The following NETO1 variants were observed in gnomAD, a reference collection of about 807,000 sequenced individuals.
NETO1 encodes the protein neuropilin and tolloid-like protein 1.
NETO1 carries 26 observed loss-of-function variants against 61.3 expected under a neutral mutation model. The ratio of observed to expected loss-of-function variants is 0.42; its 90% CI spans 0.31 to 0.59. The LOEUF is 0.59. Ranked by LOEUF, NETO1 falls within the 20% of genes least tolerant of loss-of-function variation. The pLI is 0.12. For synonymous variants in NETO1, 225 were observed against 225.8 expected, an observed-to-expected ratio of 1.00 and a Z score of 0.03; for missense variants, 531 against 662.8, an observed-to-expected ratio of 0.80 and a Z score of 2.18.
chr18:72,846,949 C>T (rs1029207061), intron 4 of NETO1, among the ~76,000 whole-genome samples: 1 of 152,224 alleles, frequency 6.6e-6, no homozygotes. Flanking sequence ...AAAGGAAGTA[C>T]GCATTCCTTT....
At position 72,745,199 on chromosome 18, in the gene NETO1, C is replaced by T. The variant is rs1414237313; in HGVS notation, c.*2980G>A. 1 of 152,170 alleles carries T rather than the reference C, an allele frequency of 6.6e-6. No individual in the cohort carries two copies. The highest frequency in any genetic ancestry group is 1.5e-5 in the Non-Finnish European group (1 of 68,030). 9.4% of individuals were successfully genotyped at this position (152,170 alleles called of 1,614,324 possible). A position where few individuals can be genotyped will look rare whatever the true frequency, so the allele number is the denominator to read the frequency against. On this transcript the variant is annotated 3_prime_UTR_variant, in exon 11 of 11. Coordinates refer to ENST00000327305, the MANE Select transcript of NETO1 (RefSeq NM_138966.5). Reference sequence around the variant, plus strand: ...CAAATTCAAGTTAATTATGGCAAATCAAACACCACCTATGTCTACTTTGCA... The same window carrying T: ...CAAATTCAAGTTAATTATGGCAAATTAAACACCACCTATGTCTACTTTGCA...
At chr18:72,831,311 G>T (rs374181768) in intron 4 of NETO1, among the ~76,000 whole-genome samples, 67 of 152,268 alleles carry the variant, frequency 4.4e-4, no homozygotes, top group South Asian at 3.1e-3. Context: ...AACAATGAAT[G>T]AAAATGATCT....
chr18:72,817,106 T>C (rs9958522), intron 4 of NETO1, among the ~76,000 whole-genome samples: 136,056 of 152,172 alleles, frequency 0.89, 62,766 homozygotes, highest in East Asian at 1. Flanking sequence ...AGTTTATTCC[T>C]CTTCTCTTGG....
At chr18:72,817,058 T>A (rs2073053408) in intron 4 of NETO1, among the ~76,000 whole-genome samples, 3 of 152,204 alleles carry the variant, frequency 2.0e-5, no homozygotes, top group Admixed American at 1.3e-4. Context: ...ATTCCTCGTC[T>A]CCCTTTATAG....
At chr18:72,835,342 A>G in intron 4 of NETO1, 1 of 1,591,190 alleles carries the variant, frequency 6.3e-7, no homozygotes, top group South Asian at 1.1e-5. Context: ...AGGTAATTAA[A>G]GAAGTTTAAT....
At chr18:72,826,870 G>A (rs1031609525) in intron 4 of NETO1, among the ~76,000 whole-genome samples, 5 of 152,100 alleles carry the variant, frequency 3.3e-5, no homozygotes, top group South Asian at 2.1e-4. Context: ...CTTTTACATC[G>A]TGGGTGAAGC....
intron 8 of NETO1, 129 bp from the exon 9 acceptor site, chr18:72,750,749 G>A (rs979511358): frequency 2.0e-5 from 12 of 602,508 alleles, no homozygotes; most frequent in Admixed American, 3.3e-5. Flanking sequence ...ATTTTTACAG[G>A]CTTATAATAA....
intron 7 of NETO1, among the ~76,000 whole-genome samples, chr18:72,776,448 T>A (rs2071551483): frequency 6.6e-6 from 1 of 152,156 alleles, no homozygotes; most frequent in Non-Finnish European, 1.5e-5. Flanking sequence ...CATGGCATGC[T>A]CTTAGTCCAT....
chr18:72,864,548 AAGCCAAC>A (rs1352028782), intron 3 of NETO1, among the ~76,000 whole-genome samples: 1 of 152,246 alleles, frequency 6.6e-6, no homozygotes, highest in African/African-American at 2.4e-5. Flanking sequence ...TAAATCAATT[AAGCCAAC>A]AGCAAAATAA....
At chr18:72,768,459 C>T (rs1051457257) in intron 7 of NETO1, among the ~76,000 whole-genome samples, 3 of 152,142 alleles carry the variant, frequency 2.0e-5, no homozygotes, top group Non-Finnish European at 4.4e-5. Context: ...AAAAACAACA[C>T]AGAAATACAA....
At chr18:72,784,935 A>G (rs554680754) in intron 6 of NETO1, among the ~76,000 whole-genome samples, 2 of 152,362 alleles carry the variant, frequency 1.3e-5, no homozygotes, top group East Asian at 3.9e-4. Context: ...ATGTATGTCA[A>G]TTAAACCATG....
At chr18:72,806,899 C>A (rs1481336222) in intron 4 of NETO1, among the ~76,000 whole-genome samples, 1 of 152,176 alleles carries the variant, frequency 6.6e-6, no homozygotes, top group African/African-American at 2.4e-5. Context: ...TGGGGACATT[C>A]TTATTTCCAT....
chr18:72,749,138 A>AT lies in NETO1; in HGVS notation c.1542-51_1542-50insA, dbSNP rs201590869. 2.2e-3 allele frequency: 2,392 copies of AT among 1,091,156 alleles called. 30 individuals are homozygous for AT. In the African/African-American group the frequency reaches 0.032, roughly 14 times the overall value. 67.6% of individuals were successfully genotyped at this position (1,091,156 alleles called of 1,614,324 possible). ...CAACAAAGTACTATTTGCACAAAAA[A>AT]ATATGTATACAAATATTTACTCAAA... On this transcript the variant is annotated intron_variant, in intron 9 of 10. Transcript: ENST00000327305.
At chr18:72,855,039 A>G (rs1308150956) in intron 4 of NETO1, among the ~76,000 whole-genome samples, 3 of 152,352 alleles carry the variant, frequency 2.0e-5, no homozygotes, top group East Asian at 1.9e-4. Flanking sequence ...TTTTTAAATG[A>G]GAAAACAATA....
intron 4 of NETO1, among the ~76,000 whole-genome samples, chr18:72,817,821 T>A (rs1277706984): frequency 6.6e-6 from 1 of 152,230 alleles, no homozygotes; most frequent in Non-Finnish European, 1.5e-5. Flanking sequence ...CCTGTCTTTT[T>A]CCTTCCCACC....
chr18:72,750,914 ATCC>A (rs2070587745), intron 8 of NETO1, among the ~76,000 whole-genome samples: 1 of 71,840 alleles, frequency 1.4e-5, no homozygotes. Flanking sequence ...CACACACACA[ATCC>A]TCTATCTATC....
chr18:72,769,318 G>A (rs991206202), intron 7 of NETO1, among the ~76,000 whole-genome samples: 9 of 152,058 alleles, frequency 5.9e-5, no homozygotes, highest in Non-Finnish European at 8.8e-5. Context: ...AATGTCTCTC[G>A]GAAGATAAAT....
chr18:72,786,259 C>A (rs2071913645), intron 6 of NETO1, among the ~76,000 whole-genome samples: 1 of 152,076 alleles, frequency 6.6e-6, no homozygotes, highest in Admixed American at 6.6e-5. Context: ...CAAGGTATAG[C>A]ATAGATCTAA....
chr18:72,791,557 C>G (rs2072118954), intron 6 of NETO1, among the ~76,000 whole-genome samples: 1 of 152,202 alleles, frequency 6.6e-6, no homozygotes, highest in Admixed American at 6.5e-5. Context: ...CTTTGGGTCA[C>G]AGAATGCCAA....
Sources: allele counts gnomAD v4.1 joint callset (sites outside exome capture counted in the v4.1 genomes callset), GRCh38; gene constraint gnomAD v4.1.1; transcripts MANE v1.5; gene names NCBI Gene and HGNC (gene_info 2026-07-23, HGNC 2026-07-21).